Variants in DGKI observed in about 807,000 individuals in gnomAD.
DGKI encodes diacylglycerol kinase iota.
A neutral mutation model predicts 147.5 loss-of-function variants in DGKI; 55 were observed. That is an observed-to-expected ratio of 0.37 (90% CI 0.30 to 0.47). The LOEUF (loss-of-function observed/expected upper bound fraction) is 0.47. Ranked by LOEUF, DGKI falls within the 20% of genes least tolerant of loss-of-function variation. The pLI, the probability that DGKI is intolerant of heterozygous loss-of-function variation, is 1.00. For synonymous variants in DGKI, 469 were observed against 477.1 expected (o/e 0.98, Z 0.22); for missense variants, 1,007 against 1,323.8 (o/e 0.76, Z 3.71).
chr7:137,432,029 G>A (rs777041070), intron 28 of DGKI, among the ~76,000 whole-genome samples: 17 of 152,268 alleles, frequency 1.1e-4, no homozygotes, highest in African/African-American at 2.2e-4. Flanking sequence ...GAGTCTTCAC[G>A]AGATCTGGTT....
intron 1 of DGKI, among the ~76,000 whole-genome samples, chr7:137,785,657 G>A (rs999452642): frequency 6.6e-5 from 10 of 151,662 alleles, no homozygotes; most frequent in Non-Finnish European, 1.5e-4. Context: ...CAAAACCAGG[G>A]AAGGACATTA....
chr7:137,646,785 G>A (rs1821840647), intron 5 of DGKI, among the ~76,000 whole-genome samples: 2 of 152,046 alleles, frequency 1.3e-5, no homozygotes, highest in South Asian at 4.2e-4. Flanking sequence ...TGTTCTATTA[G>A]TACGTACAGA....
Position 137,663,314 on chromosome 7 carries a change from C to G in DGKI, c.607-6774G>C, listed in dbSNP as rs747800831. On this transcript the variant is annotated intron_variant, in intron 3 of 32. Transcript: ENST00000614521. ...CCACACATGGCGACATGCTCAACAA[C>G]AGCCCAGACAAGAAAAGCTGTCACC... Among the ~76,000 whole-genome samples the G allele has an allele frequency of 2.7e-4, 41 of 152,354 alleles. No individual in the cohort carries two copies. In the Middle Eastern group the frequency reaches 0.014, roughly 51 times the overall value.
intron 8 of DGKI, among the ~76,000 whole-genome samples, chr7:137,613,047 C>T (rs964795922): frequency 3.9e-5 from 6 of 152,158 alleles, no homozygotes; most frequent in Non-Finnish European, 7.4e-5. Context: ...ATGCTTATGA[C>T]TCCTTGCTGG....
At chr7:137,825,993 T>C (rs573060379) in intron 1 of DGKI, among the ~76,000 whole-genome samples, 10 of 152,354 alleles carry the variant, frequency 6.6e-5, no homozygotes, top group African/African-American at 2.4e-4. Flanking sequence ...ACTTGCTTAG[T>C]AGTCTCCACA....
intron 1 of DGKI, among the ~76,000 whole-genome samples, chr7:137,795,632 A>T (rs1339966012): frequency 6.6e-6 from 1 of 152,338 alleles, no homozygotes; most frequent in East Asian, 1.9e-4. Flanking sequence ...AAGTTCTGAC[A>T]TATTCTTGGG....
chr7:137,582,991 A>C (rs2128981864), intron 14 of DGKI, among the ~76,000 whole-genome samples: 1 of 152,314 alleles, frequency 6.6e-6, no homozygotes, highest in South Asian at 2.1e-4. Flanking sequence ...AGATTTCAAA[A>C]GTATGTTTTT....
intron 3 of DGKI, among the ~76,000 whole-genome samples, chr7:137,663,919 A>AC (rs61079481): frequency 0.15 from 23,250 of 152,110 alleles, 5,329 homozygotes; most frequent in African/African-American, 0.5. Context: ...TCCCCACTTA[A>AC]CCCTCAATCA....
At chr7:137,544,748 G>A (rs1447525028) in intron 20 of DGKI, among the ~76,000 whole-genome samples, 1 of 151,824 alleles carries the variant, frequency 6.6e-6, no homozygotes, top group East Asian at 1.9e-4. Context: ...ATTAAAATCT[G>A]TGAACATGGC....
At chr7:137,546,038 A>G in intron 20 of DGKI, 1 of 636,852 alleles carries the variant, frequency 1.6e-6, no homozygotes, top group Non-Finnish European at 2.9e-6. Context: ...GCCAGGGGAG[A>G]GAAAGAGAGA....
At chr7:137,742,501 A>G (rs1795202511) in intron 1 of DGKI, among the ~76,000 whole-genome samples, 1 of 152,160 alleles carries the variant, frequency 6.6e-6, no homozygotes, top group Non-Finnish European at 1.5e-5. Context: ...GAATGCCCAC[A>G]GTAGCTCCCG....
intron 32 of DGKI, among the ~76,000 whole-genome samples, chr7:137,391,634 T>C (rs1025448723): frequency 6.6e-6 from 1 of 152,142 alleles, no homozygotes; most frequent in Non-Finnish European, 1.5e-5. Context: ...TCACAGAGGT[T>C]AACAGTATAC....
At position 137,559,732 on chromosome 7, in the gene DGKI, T is replaced by C. The variant is rs149962941; in HGVS notation, c.1948-7164A>G. Reference sequence around the variant, plus strand: ...AAGCAGGAAAAAAAAAAAGCCACTCTTGTGGACCTGTCCAGTTTCATAGCT... The same window carrying C: ...AAGCAGGAAAAAAAAAAAGCCACTCCTGTGGACCTGTCCAGTTTCATAGCT... On this transcript the variant is annotated intron_variant, in intron 19 of 32. Transcript: ENST00000614521. Among the ~76,000 whole-genome samples, 1,363 of 152,106 alleles carry C rather than the reference T, an allele frequency of 9.0e-3. 13 individuals carry two copies. The highest frequency in any genetic ancestry group is 0.013 in the Non-Finnish European group (912 of 67,968).
intron 31 of DGKI, among the ~76,000 whole-genome samples, chr7:137,396,491 G>T (rs891170866): frequency 6.6e-6 from 1 of 152,190 alleles, no homozygotes; most frequent in African/African-American, 2.4e-5. Context: ...AAAATCAATA[G>T]CAGCCTTTAG....
At chr7:137,445,409 TG>T (rs1813676254) in intron 27 of DGKI, among the ~76,000 whole-genome samples, 2 of 152,116 alleles carry the variant, frequency 1.3e-5, no homozygotes, top group Non-Finnish European at 2.9e-5. Flanking sequence ...GAGATGGACA[TG>T]GGGGTGGTGA....
At chr7:137,627,738 A>C (rs943123141) in intron 6 of DGKI, among the ~76,000 whole-genome samples, 4 of 152,200 alleles carry the variant, frequency 2.6e-5, no homozygotes, top group Admixed American at 2.6e-4. Context: ...TTAAGTCTTA[A>C]ATGCAATCAC....
At chr7:137,472,094 C>T (rs1188397271) in intron 23 of DGKI, among the ~76,000 whole-genome samples, 3 of 113,880 alleles carry the variant, frequency 2.6e-5, no homozygotes, top group Non-Finnish European at 4.9e-5. Context: ...ATAATATATA[C>T]ACATATATGT....
At chr7:137,833,838 C>T (rs533448118) in intron 1 of DGKI, among the ~76,000 whole-genome samples, 1 of 152,302 alleles carries the variant, frequency 6.6e-6, no homozygotes, top group Admixed American at 6.5e-5. Context: ...CCTTGATGTA[C>T]AGCCCCTCAA....
At chr7:137,706,228 C>T (rs1381959163) in intron 1 of DGKI, among the ~76,000 whole-genome samples, 2 of 151,968 alleles carry the variant, frequency 1.3e-5, no homozygotes, top group Admixed American at 6.5e-5. Flanking sequence ...TGCCCCCTTA[C>T]AGGGCCTTTT....
Sources: allele counts gnomAD v4.1 joint callset (sites outside exome capture counted in the v4.1 genomes callset), GRCh38; gene constraint gnomAD v4.1.1; transcripts MANE v1.5; gene names NCBI Gene and HGNC (gene_info 2026-07-23, HGNC 2026-07-21).